KLHL4: variants seen among roughly 807,000 people sequenced by gnomAD.
KLHL4 encodes the protein kelch-like protein 4.
A neutral mutation model predicts 45.8 loss-of-function variants in KLHL4; 17 were observed. That is an observed-to-expected ratio of 0.37 (90% CI 0.25 to 0.56). KLHL4 has a LOEUF of 0.56. Ranked by LOEUF, KLHL4 falls within the 20% of genes least tolerant of loss-of-function variation. The pLI is 0.79. For synonymous variants in KLHL4, 224 were observed against 189.9 expected, an observed-to-expected ratio of 1.18 and a Z score of -1.47; for missense variants, 544 against 544.9, an observed-to-expected ratio of 1.00 and a Z score of 0.02.
At chrX:87,653,405 A>G (rs1364258977) in intron 9 of KLHL4, among the ~76,000 whole-genome samples, 1 of 112,194 alleles carries the variant, frequency 8.9e-6, no homozygotes, top group Non-Finnish European at 1.9e-5. Flanking sequence ...CGTTAGATAA[A>G]TGCAAATCAA....
At chrX:87,547,220 G>A (rs1490825998) in intron 1 of KLHL4, among the ~76,000 whole-genome samples, 1 of 110,914 alleles carries the variant, frequency 9.0e-6, no homozygotes, top group African/African-American at 3.3e-5. Context: ...CTGGTGGGAG[G>A]CGATTTGATT....
intron 1 of KLHL4, among the ~76,000 whole-genome samples, chrX:87,570,127 T>A (rs1349684054): frequency 1.8e-5 from 2 of 110,952 alleles, no homozygotes. Flanking sequence ...GAATTTATGA[T>A]CTTAAGGGAA....
At chrX:87,604,799 T>C (rs1019520175) in intron 1 of KLHL4, among the ~76,000 whole-genome samples, 6 of 111,876 alleles carry the variant, frequency 5.4e-5, no homozygotes, top group Middle Eastern at 4.6e-3. Flanking sequence ...CTTTTTGTTT[T>C]TGTTGCCTGT....
chrX:87,546,951 G>A (rs1931696923), intron 1 of KLHL4, among the ~76,000 whole-genome samples: 1 of 112,385 alleles, frequency 8.9e-6, no homozygotes. Flanking sequence ...TACCTCTGTT[G>A]TATCTTGGAA....
chrX:87,641,840 G>A (rs1288372233), intron 9 of KLHL4, among the ~76,000 whole-genome samples: 5 of 110,239 alleles, frequency 4.5e-5, no homozygotes, highest in Non-Finnish European at 7.6e-5. Context: ...ACACAGCTCC[G>A]GTGACCCGGG....
At chrX:87,554,936 G>C (rs1307738607) in intron 1 of KLHL4, among the ~76,000 whole-genome samples, 9 of 106,384 alleles carry the variant, frequency 8.5e-5, no homozygotes, top group Non-Finnish European at 1.5e-4. Context: ...AAGTGTTGTT[G>C]AATTTTGTCA....
chrX:87,565,395 C>G (rs1287462335), intron 1 of KLHL4, among the ~76,000 whole-genome samples: 6 of 110,909 alleles, frequency 5.4e-5, no homozygotes, highest in Non-Finnish European at 9.4e-5. Context: ...CTTTAGCTAG[C>G]CTGACCAAGT....
intron 1 of KLHL4, among the ~76,000 whole-genome samples, chrX:87,608,653 C>T (rs1422235918): frequency 9.0e-6 from 1 of 111,417 alleles, no homozygotes; most frequent in African/African-American, 3.3e-5. Context: ...GCAGCTTTTA[C>T]TCATGGCAGA....
chrX:87,591,132 A>G (rs1298398413), intron 1 of KLHL4, among the ~76,000 whole-genome samples: 1 of 111,652 alleles, frequency 9.0e-6, no homozygotes, highest in East Asian at 2.8e-4. Flanking sequence ...TTTTCTCCCA[A>G]TCCTCACCAA....
chrX:87,591,908 A>T (rs1255560539), intron 1 of KLHL4, among the ~76,000 whole-genome samples: 1 of 111,115 alleles, frequency 9.0e-6, no homozygotes, highest in Non-Finnish European at 1.9e-5. Flanking sequence ...ATGAGTTGTT[A>T]TTTACTGCAG....
At chrX:87,637,605 A>G (rs779979058) in intron 9 of KLHL4, among the ~76,000 whole-genome samples, 2 of 111,555 alleles carry the variant, frequency 1.8e-5, no homozygotes, top group Non-Finnish European at 3.8e-5. Flanking sequence ...AAATAAAATC[A>G]TGTAGAATAT....
At chrX:87,536,747 A>G (rs1409029615) in intron 1 of KLHL4, among the ~76,000 whole-genome samples, 1 of 111,287 alleles carries the variant, frequency 9.0e-6, no homozygotes. Flanking sequence ...ATCTGAAAAA[A>G]ATATGAAGAA....
At position 87,623,571 on chromosome X, in the gene KLHL4, T is replaced by C. The variant is rs1007522620; in HGVS notation, c.1137+1148T>C. 2.0e-4 allele frequency among the ~76,000 whole-genome samples: 22 copies of C among 110,811 alleles called. 1 individual carries two copies. Among genetic ancestry groups the C allele is most frequent in the African/African-American group, 7.2e-4 (22 of 30,474 alleles). Reference sequence around the variant, plus strand: ...CCTCCCAAAGTGCTGGGATTACAGGTGTGAGCCACTGTGCCCAGTTGATTT... The same window carrying C: ...CCTCCCAAAGTGCTGGGATTACAGGCGTGAGCCACTGTGCCCAGTTGATTT... On this transcript the variant is annotated intron_variant, in intron 5 of 10. Coordinates refer to ENST00000373119, the MANE Select transcript of KLHL4 (RefSeq NM_019117.5).
At chrX:87,635,821 A>G (rs1415361335) in intron 9 of KLHL4, 46 bp downstream of exon 9, 8 of 952,941 alleles carry the variant, frequency 8.4e-6, no homozygotes, top group Admixed American at 3.2e-5. Flanking sequence ...TTGGTTATTT[A>G]ATTTTTTAGA....
At chrX:87,639,228 A>G (rs1331271077) in intron 9 of KLHL4, among the ~76,000 whole-genome samples, 1 of 111,420 alleles carries the variant, frequency 9.0e-6, no homozygotes, top group Non-Finnish European at 1.9e-5. Flanking sequence ...GACATAAGAT[A>G]GACAGCAACA....
At chrX:87,649,401 G>A (rs758617189) in intron 9 of KLHL4, among the ~76,000 whole-genome samples, 102 of 111,188 alleles carry the variant, frequency 9.2e-4, no homozygotes, top group Non-Finnish European at 1.7e-3. Flanking sequence ...TAGTAGTTCC[G>A]TACATATTCT....
At chrX:87,607,560 T>G (rs1922237920) in intron 1 of KLHL4, among the ~76,000 whole-genome samples, 1 of 111,788 alleles carries the variant, frequency 8.9e-6, no homozygotes, top group South Asian at 3.7e-4. Context: ...ACAAAAACCT[T>G]GGTTAAGTTT....
intron 9 of KLHL4, among the ~76,000 whole-genome samples, chrX:87,647,665 G>T (rs1923680072): frequency 9.0e-6 from 1 of 111,468 alleles, no homozygotes; most frequent in African/African-American, 3.3e-5. Flanking sequence ...TCTCATAAGT[G>T]GGAGCTAAAC....
At position 87,668,549 on chromosome X, in the gene KLHL4, A is replaced by C; in HGVS notation, c.*2015A>C. On this transcript the variant is annotated 3_prime_UTR_variant, in exon 11 of 11. Transcript: ENST00000373119. ...GAATATTTTTTTCCCTCGAAAACTC[A>C]TGTTGAAACTTAACTCCTAATGTAG... The C allele has an allele frequency of 6.0e-6, 4 of 665,903 alleles. No homozygotes were observed. Among genetic ancestry groups the C allele is most frequent in the Non-Finnish European group, 7.2e-6 (4 of 558,784 alleles). 54.9% of individuals were successfully genotyped at this position (665,903 alleles called of 1,213,427 possible).
Sources: allele counts gnomAD v4.1 joint callset (sites outside exome capture counted in the v4.1 genomes callset), GRCh38; gene constraint gnomAD v4.1.1; transcripts MANE v1.5; gene names NCBI Gene and HGNC (gene_info 2026-07-23, HGNC 2026-07-21).